Variants in CALN1 observed in about 807,000 individuals in gnomAD.
CALN1 encodes the protein calneuron 1.
Under a neutral mutation model 30.6 loss-of-function variants are expected in CALN1, and 17 were observed. The ratio of observed to expected loss-of-function variants is 0.56; its 90% CI spans 0.38 to 0.83. CALN1 has a LOEUF of 0.83. Among genes scored for constraint, CALN1 ranks in the 40% least tolerant of loss-of-function variants. The pLI, the probability that CALN1 is intolerant of heterozygous loss-of-function variation, is 0.00. For synonymous variants in CALN1, 156 were observed against 131.4 expected, an observed-to-expected ratio of 1.19 and a Z score of -1.28; for missense variants, 291 against 354.9, an observed-to-expected ratio of 0.82 and a Z score of 1.45.
chr7:72,310,375 C>T (rs1182725868), intron 2 of CALN1, among the ~76,000 whole-genome samples: 2 of 148,422 alleles, frequency 1.3e-5, no homozygotes, highest in African/African-American at 5.0e-5. Context: ...ATGCATCCAG[C>T]TCTTGGCATT....
At chr7:72,009,100 CA>C (rs1332603844) in intron 5 of CALN1, among the ~76,000 whole-genome samples, 1 of 151,964 alleles carries the variant, frequency 6.6e-6, no homozygotes, top group African/African-American at 2.4e-5. Context: ...ATAATCACCT[CA>C]AAAAAATGAG....
rs1413000659 is a variant in CALN1, at chr7:71,949,800, C to T, written c.501+73857G>A. Among the ~76,000 whole-genome samples the T allele has an allele frequency of 3.3e-5, 5 of 151,374 alleles. No homozygotes were observed. The East Asian group carries it at 5.9e-4, about 18-fold the overall frequency. ...TTTTTGAGATGGAGTCTCGCTTTGT[C>T]GCCCAGGCTGGAGTGCAGTGGCACG... On this transcript the variant is annotated intron_variant, in intron 5 of 6. Transcript: ENST00000395275.
intron 5 of CALN1, among the ~76,000 whole-genome samples, chr7:71,987,474 G>A (rs1798734594): frequency 6.6e-6 from 1 of 152,232 alleles, no homozygotes; most frequent in Non-Finnish European, 1.5e-5. Context: ...TAGCTTCAGG[G>A]AGGAGAGCAG....
intron 2 of CALN1, among the ~76,000 whole-genome samples, chr7:72,304,787 A>T (rs954992953): frequency 4.6e-5 from 7 of 152,228 alleles, no homozygotes; most frequent in Non-Finnish European, 1.0e-4. Context: ...AAAGTTCTTC[A>T]AAGGATATAA....
intron 1 of CALN1, among the ~76,000 whole-genome samples, chr7:72,409,247 G>A (rs1175087707): frequency 1.3e-5 from 2 of 151,850 alleles, no homozygotes; most frequent in African/African-American, 4.8e-5. Context: ...ACCCGCCTCG[G>A]CCTCCCAAAA....
At chr7:72,121,596 G>A (rs991521969) in intron 3 of CALN1, among the ~76,000 whole-genome samples, 1 of 148,736 alleles carries the variant, frequency 6.7e-6, no homozygotes, top group African/African-American at 2.4e-5. Context: ...TATGATTTGC[G>A]TGTGTGCACA....
intron 3 of CALN1, among the ~76,000 whole-genome samples, chr7:72,232,789 G>C (rs1186618954): frequency 6.6e-6 from 1 of 152,036 alleles, no homozygotes; most frequent in Non-Finnish European, 1.5e-5. Context: ...AATAGTTAAT[G>C]GTTTAGGAAA....
intron 5 of CALN1, among the ~76,000 whole-genome samples, chr7:71,882,141 G>C (rs185465980): frequency 1.3e-5 from 2 of 152,248 alleles, no homozygotes; most frequent in Admixed American, 1.3e-4. Context: ...GAAGCTCTAA[G>C]GCAGAATCCA....
intron 3 of CALN1, among the ~76,000 whole-genome samples, chr7:72,227,956 A>G (rs976813249): frequency 3.9e-5 from 6 of 151,952 alleles, no homozygotes; most frequent in African/African-American, 1.4e-4. Context: ...TTCTCCAAGC[A>G]ACTTCCAGCT....
chr7:72,133,973 A>C (rs188512939), intron 3 of CALN1, among the ~76,000 whole-genome samples: 3 of 152,334 alleles, frequency 2.0e-5, no homozygotes, highest in Non-Finnish European at 4.4e-5. Flanking sequence ...TTCAAAATTC[A>C]TGCTGAAATT....
chr7:72,446,679 A>T (rs956033251), intron 1 of CALN1, among the ~76,000 whole-genome samples: 1 of 152,118 alleles, frequency 6.6e-6, no homozygotes, highest in African/African-American at 2.4e-5. Context: ...AGTCAGGGTT[A>T]TGCCCTTTTC....
intron 2 of CALN1, among the ~76,000 whole-genome samples, chr7:72,367,072 A>G (rs1803920656): frequency 6.6e-6 from 1 of 152,086 alleles, no homozygotes; most frequent in South Asian, 2.1e-4. Flanking sequence ...GACGACAGAT[A>G]AGGTAGAAAG....
intron 5 of CALN1, among the ~76,000 whole-genome samples, chr7:71,911,477 C>T (rs929108265): frequency 1.3e-5 from 2 of 152,006 alleles, no homozygotes; most frequent in African/African-American, 4.8e-5. Flanking sequence ...CTTTATTTGC[C>T]CGTCAGCTTA....
chr7:72,236,798 G>A (rs1794499814), intron 3 of CALN1, among the ~76,000 whole-genome samples: 1 of 152,096 alleles, frequency 6.6e-6, no homozygotes, highest in Admixed American at 6.5e-5. Context: ...CTGTCACATG[G>A]AAAAGACTCA....
chr7:72,366,362 G>T (rs561023521), intron 2 of CALN1, among the ~76,000 whole-genome samples: 4 of 151,986 alleles, frequency 2.6e-5, no homozygotes, highest in African/African-American at 9.7e-5. Flanking sequence ...TTTTAGTAGA[G>T]ATGGGGTTTC....
intron 3 of CALN1, among the ~76,000 whole-genome samples, chr7:72,180,831 C>T (rs1789726420): frequency 1.3e-5 from 2 of 152,044 alleles, no homozygotes; most frequent in Non-Finnish European, 2.9e-5. Context: ...AGCACGGTGG[C>T]TCACACCTAT....
At chr7:72,468,288 G>A in the CALN1 span, among the ~76,000 whole-genome samples, 2 of 152,094 alleles carry the variant, frequency 1.3e-5, no homozygotes. Context: ...AGATCATATG[G>A]TAATTCTGTG....
chr7:72,182,109 A>C (rs1454015141), intron 3 of CALN1, among the ~76,000 whole-genome samples: 1 of 152,214 alleles, frequency 6.6e-6, no homozygotes, highest in Non-Finnish European at 1.5e-5. Context: ...GGCTTCTTAA[A>C]GAAATAAATG....
intron 5 of CALN1, among the ~76,000 whole-genome samples, chr7:71,978,267 T>A (rs1798204079): frequency 1.8e-5 from 2 of 112,144 alleles, no homozygotes; most frequent in East Asian, 2.4e-4. Flanking sequence ...GAATTCTTTT[T>A]TTTTTTTTTT....
Sources: gnomAD v4.1 joint callset for allele counts (sites outside exome capture counted in the v4.1 genomes callset) on GRCh38, gnomAD v4.1.1 for gene constraint, MANE v1.5 for transcripts, NCBI Gene and HGNC (gene_info 2026-07-23, HGNC 2026-07-21) for gene names.